NUDT3: variants seen among roughly 807,000 people sequenced by gnomAD.
The protein encoded by NUDT3 is diphosphoinositol polyphosphate phosphohydrolase 1.
A neutral mutation model predicts 23.6 loss-of-function variants in NUDT3; 9 were observed. That is an observed-to-expected ratio of 0.38 (90% CI 0.23 to 0.66). The LOEUF (loss-of-function observed/expected upper bound fraction) is 0.66, where lower values mean the gene tolerates loss of function less well. Ranked by LOEUF, NUDT3 falls within the 30% of genes least tolerant of loss-of-function variation. The probability of loss-of-function intolerance (pLI) is 0.52; values close to 1 mark genes in which losing one functional copy is unlikely to be tolerated. For synonymous variants in NUDT3, 86 were observed against 82.6 expected (o/e 1.04, Z -0.22); for missense variants, 172 against 218.5 (o/e 0.79, Z 1.34).
At chr6:34,360,839 A>C (rs369298038) in intron 1 of NUDT3, among the ~76,000 whole-genome samples, 2 of 152,250 alleles carry the variant, frequency 1.3e-5, no homozygotes, top group East Asian at 1.9e-4. Flanking sequence ...GGATTCATCC[A>C]AAATATACAC....
At chr6:34,366,236 A>G (rs1019092063) in intron 1 of NUDT3, among the ~76,000 whole-genome samples, 2 of 149,500 alleles carry the variant, frequency 1.3e-5, no homozygotes, top group Non-Finnish European at 3.0e-5. Flanking sequence ...GTAGCTGGGC[A>G]TGGTGATGCA....
intron 2 of NUDT3, among the ~76,000 whole-genome samples, chr6:34,323,774 ATGT>A (rs768457213): frequency 2.0e-5 from 3 of 152,194 alleles, no homozygotes; most frequent in South Asian, 2.1e-4. Context: ...AGGTCAAAAG[ATGT>A]TGTATTTAGA....
At chr6:34,340,002 T>TACA (rs1216932434) in intron 2 of NUDT3, among the ~76,000 whole-genome samples, 27 of 152,150 alleles carry the variant, frequency 1.8e-4, no homozygotes, top group African/African-American at 6.3e-4. Context: ...AGCATAAGCA[T>TACA]ACAAAGCAAC....
chr6:34,311,364 G>A (rs1487645751), intron 2 of NUDT3, among the ~76,000 whole-genome samples: 3 of 151,828 alleles, frequency 2.0e-5, no homozygotes, highest in African/African-American at 7.3e-5. Context: ...AAATAATTAG[G>A]TATAAATTTA....
At chr6:34,372,262 A>T (rs1376528920) in intron 1 of NUDT3, among the ~76,000 whole-genome samples, 1 of 152,166 alleles carries the variant, frequency 6.6e-6, no homozygotes, top group Non-Finnish European at 1.5e-5. Context: ...TATACCCAGT[A>T]ATGGGATGGC....
At chr6:34,291,523 T>G (rs998410646) in intron 4 of NUDT3, among the ~76,000 whole-genome samples, 5 of 151,916 alleles carry the variant, frequency 3.3e-5, no homozygotes, top group African/African-American at 9.7e-5. Context: ...TTTTTTTTTT[T>G]GAAACAGTCT....
chr6:34,297,090 C>T (rs1345638608), intron 2 of NUDT3, among the ~76,000 whole-genome samples: 2 of 151,780 alleles, frequency 1.3e-5, no homozygotes, highest in East Asian at 3.9e-4. Flanking sequence ...CGCCACCACG[C>T]CCGGCTAATT....
At chr6:34,372,084 T>C (rs535543887) in intron 1 of NUDT3, among the ~76,000 whole-genome samples, 26 of 152,338 alleles carry the variant, frequency 1.7e-4, no homozygotes, top group African/African-American at 6.3e-4. Context: ...CATCATTTTT[T>C]ATGGCTGCAT....
chr6:34,382,088 A>T (rs1490912032), intron 1 of NUDT3, among the ~76,000 whole-genome samples: 7 of 150,882 alleles, frequency 4.6e-5, no homozygotes, highest in African/African-American at 1.7e-4. Context: ...AAAAAAAAAA[A>T]AAAAAAAAAA....
rs1020372846 is a variant in NUDT3, at chr6:34,385,227, A to G, written c.99+7037T>C. 2.6e-5 allele frequency among the ~76,000 whole-genome samples: 4 copies of G among 151,826 alleles called. No individual in the cohort carries two copies. The East Asian group carries it at 5.8e-4, about 22-fold the overall frequency. ...ATCTCAACACTTTGGGAGGCCAAGA[A>G]GGGAGGATCACTTGAGCCAGGAGTT... On this transcript the variant is annotated intron_variant, in intron 1 of 4. Coordinates refer to ENST00000607016, the MANE Select transcript of NUDT3 (RefSeq NM_006703.4).
intron 1 of NUDT3, among the ~76,000 whole-genome samples, chr6:34,383,319 T>C (rs1284282403): frequency 1.3e-5 from 2 of 152,088 alleles, no homozygotes; most frequent in South Asian, 2.1e-4. Flanking sequence ...AACTTTACTG[T>C]TTTATGAACA....
chr6:34,351,708 T>C (rs1764480185), intron 1 of NUDT3, among the ~76,000 whole-genome samples: 1 of 134,078 alleles, frequency 7.5e-6, no homozygotes, highest in South Asian at 2.3e-4. Context: ...ACCATTGCAT[T>C]CCAGCCTGTG....
At chr6:34,327,353 AC>A (rs1581868116) in intron 2 of NUDT3, among the ~76,000 whole-genome samples, 1 of 151,800 alleles carries the variant, frequency 6.6e-6, no homozygotes, top group East Asian at 1.9e-4. Flanking sequence ...ACATGGTGAA[AC>A]CCTGTCTCTA....
At chr6:34,342,289 C>CAAAAAAAAAAAAAAAAAA (rs200954440) in intron 1 of NUDT3, among the ~76,000 whole-genome samples, 2 of 66,494 alleles carry the variant, frequency 3.0e-5, no homozygotes, top group South Asian at 4.6e-4. Context: ...TAGAAGACTT[C>CAAAAAAAAAAAAAAAAAA]AAAAAAAAAA....
intron 2 of NUDT3, among the ~76,000 whole-genome samples, chr6:34,330,837 T>C (rs1008190351): frequency 1.3e-5 from 2 of 152,006 alleles, no homozygotes; most frequent in Admixed American, 6.6e-5. Flanking sequence ...AAAATACAAA[T>C]GGAATCAAGA....
intron 1 of NUDT3, among the ~76,000 whole-genome samples, chr6:34,343,541 CA>C (rs35748626): frequency 0.1 from 14,513 of 141,554 alleles, 760 homozygotes; most frequent in Non-Finnish European, 0.13. Flanking sequence ...ACCCCCATCT[CA>C]AAAAAAAAAA....
rs1763345771 is a variant in NUDT3, at chr6:34,287,205, TG to T, written c.*1547del. On this transcript the variant is annotated 3_prime_UTR_variant, in exon 5 of 5. Transcript: ENST00000607016. ...GGAAAAGTAAAAGCTTTTCAAAGTT[TG>T]AGTGCTTTATTAGAATTTTTAAATG... 1 of 152,202 alleles carries T rather than the reference TG, an allele frequency of 6.6e-6. No homozygotes were observed. The highest frequency in any genetic ancestry group is 2.4e-5 in the African/African-American group (1 of 41,436). 9.4% of individuals were successfully genotyped at this position (152,202 alleles called of 1,614,324 possible).
intron 2 of NUDT3, among the ~76,000 whole-genome samples, chr6:34,305,883 A>ACTAT (rs1451332098): frequency 1.3e-5 from 2 of 152,160 alleles, no homozygotes; most frequent in Non-Finnish European, 2.9e-5. Context: ...CAGAGTATAT[A>ACTAT]CAGTCTATAA....
At chr6:34,365,525 T>C (rs1363232747) in intron 1 of NUDT3, among the ~76,000 whole-genome samples, 1 of 152,206 alleles carries the variant, frequency 6.6e-6, no homozygotes, top group Non-Finnish European at 1.5e-5. Context: ...TGAATAAAAT[T>C]TGAAGACATC....
Sources: allele counts gnomAD v4.1 joint callset (sites outside exome capture counted in the v4.1 genomes callset), GRCh38; gene constraint gnomAD v4.1.1; transcripts MANE v1.5; gene names NCBI Gene and HGNC (gene_info 2026-07-23, HGNC 2026-07-21).